The following PCBP3 variants were observed in gnomAD, a reference collection of about 807,000 sequenced individuals.
PCBP3 encodes poly(rC)-binding protein 3.
PCBP3 carries 25 observed loss-of-function variants against 52.7 expected under a neutral mutation model. The observed-to-expected ratio is 0.47, with a 90% CI of 0.35 to 0.66. The LOEUF is 0.66. Ranked by LOEUF, PCBP3 falls within the 30% of genes least tolerant of loss-of-function variation. The pLI, the probability that PCBP3 is intolerant of heterozygous loss-of-function variation, is 0.01. For synonymous variants in PCBP3, 162 were observed against 183.0 expected (o/e 0.89, Z 0.93); for missense variants, 391 against 490.3 (o/e 0.80, Z 1.91).
intron 4 of PCBP3, among the ~76,000 whole-genome samples, chr21:45,809,728 C>T (rs1409138760): frequency 6.6e-6 from 1 of 152,236 alleles, no homozygotes; most frequent in Non-Finnish European, 1.5e-5. Context: ...GTCCTGCTGC[C>T]TCTTCCCTGC....
intron 5 of PCBP3, among the ~76,000 whole-genome samples, chr21:45,868,307 AG>A (rs2094835295): frequency 6.6e-6 from 1 of 151,972 alleles, no homozygotes; most frequent in Non-Finnish European, 1.5e-5. Context: ...TCAGAGCCCC[AG>A]GGTCCTGCCT....
intron 5 of PCBP3, among the ~76,000 whole-genome samples, chr21:45,884,452 A>G (rs1438505016): frequency 6.6e-6 from 1 of 152,244 alleles, no homozygotes; most frequent in African/African-American, 2.4e-5. Context: ...ATATACACAC[A>G]CAAATATATA....
chr21:45,664,831 T>C (rs1341635750), intron 1 of PCBP3, among the ~76,000 whole-genome samples: 1 of 142,542 alleles, frequency 7.0e-6, no homozygotes, highest in East Asian at 2.3e-4. Flanking sequence ...TGTGATCTCA[T>C]TGTTCAATTC....
intron 4 of PCBP3, among the ~76,000 whole-genome samples, chr21:45,771,508 A>G (rs2089861609): frequency 6.6e-6 from 1 of 152,242 alleles, no homozygotes; most frequent in African/African-American, 2.4e-5. Flanking sequence ...CAAACTAAAA[A>G]CGAAAAACAG....
chr21:45,830,671 C>G lies in PCBP3; in HGVS notation c.-125-19290C>G, dbSNP rs960763669. 6.6e-6 allele frequency: 1 copy of G among 152,246 alleles called. No homozygotes were observed. The highest frequency in any genetic ancestry group is 1.5e-5 in the Non-Finnish European group (1 of 68,052). 9.4% of individuals were successfully genotyped at this position (152,246 alleles called of 1,614,324 possible). A position where few individuals can be genotyped will look rare whatever the true frequency, so the allele number is the denominator to read the frequency against. On this transcript the variant is annotated intron_variant, in intron 4 of 17. Coordinates refer to ENST00000681687, the MANE Select transcript of PCBP3 (RefSeq NM_001384156.1). The surrounding 1 kb of genome is among the most constrained non-coding windows in gnomAD (Gnocchi z 4.4). ...TGGGACAGCAGCCGCCCCTTTCCAC[C>G]CCTTCCCCACTGCCTGGGTTGGTGA...
intron 4 of PCBP3, among the ~76,000 whole-genome samples, chr21:45,784,335 G>GGTCTAGCTCTAC (rs1555934152): frequency 9.5e-6 from 1 of 105,780 alleles, no homozygotes; most frequent in Non-Finnish European, 1.9e-5. Flanking sequence ...AATAGTGACA[G>GGTCTAGCTCTAC]CTCTACCTCT....
intron 4 of PCBP3, among the ~76,000 whole-genome samples, chr21:45,833,439 G>T (rs1488177802): frequency 1.3e-5 from 2 of 152,194 alleles, no homozygotes; most frequent in African/African-American, 2.4e-5. Context: ...AAAAAATCCA[G>T]CATGCTACTT....
chr21:45,857,986 C>T (rs759619647), intron 5 of PCBP3, among the ~76,000 whole-genome samples: 3 of 152,168 alleles, frequency 2.0e-5, no homozygotes, highest in Non-Finnish European at 4.4e-5. Flanking sequence ...AGCCAGGCCT[C>T]CCCCATTCCC....
chr21:45,809,828 G>A (rs1455800192), intron 4 of PCBP3, among the ~76,000 whole-genome samples: 3 of 152,230 alleles, frequency 2.0e-5, no homozygotes, highest in South Asian at 2.1e-4. Flanking sequence ...CTGCTCTCTG[G>A]TGTACAAGCC....
chr21:45,920,183 T>C (rs139731725), intron 13 of PCBP3, among the ~76,000 whole-genome samples: 39 of 152,294 alleles, frequency 2.6e-4, no homozygotes, highest in Non-Finnish European at 4.0e-4. Flanking sequence ...AGTTGGATGC[T>C]CAGACCTGCA....
intron 4 of PCBP3, among the ~76,000 whole-genome samples, chr21:45,842,844 G>A (rs778234940): frequency 9.9e-5 from 15 of 152,180 alleles, no homozygotes; most frequent in South Asian, 2.1e-4. Context: ...CCCTCTGACC[G>A]GGCAGGGTGC....
At chr21:45,758,157 G>A (rs1035613435) in intron 4 of PCBP3, among the ~76,000 whole-genome samples, 1 of 152,218 alleles carries the variant, frequency 6.6e-6, no homozygotes, top group East Asian at 1.9e-4. Context: ...CCAAAGTGGC[G>A]TGAGCCACCG....
intron 13 of PCBP3, among the ~76,000 whole-genome samples, chr21:45,921,263 T>C (rs1280225443): frequency 2.6e-5 from 4 of 152,222 alleles, no homozygotes; most frequent in African/African-American, 9.6e-5. Context: ...ATATGTTGTT[T>C]TAATTTATAA....
At chr21:45,906,129 C>T (rs964262164) in intron 9 of PCBP3, among the ~76,000 whole-genome samples, 1 of 152,204 alleles carries the variant, frequency 6.6e-6, no homozygotes, top group Non-Finnish European at 1.5e-5. Flanking sequence ...CATCATTGTC[C>T]TCCCCATTGA....
chr21:45,696,727 G>A (rs941004078), intron 2 of PCBP3, among the ~76,000 whole-genome samples: 25 of 151,892 alleles, frequency 1.6e-4, no homozygotes, highest in Non-Finnish European at 3.2e-4. Context: ...GGAGGCAGAG[G>A]TTGCAGTGAG....
intron 5 of PCBP3, among the ~76,000 whole-genome samples, chr21:45,867,491 C>G (rs1415828261): frequency 6.6e-6 from 1 of 152,258 alleles, no homozygotes; most frequent in African/African-American, 2.4e-5. Context: ...CCGCATTCAC[C>G]GCACGCGGAG....
intron 4 of PCBP3, among the ~76,000 whole-genome samples, chr21:45,765,622 G>T (rs1228484997): frequency 6.6e-6 from 1 of 152,162 alleles, no homozygotes; most frequent in Non-Finnish European, 1.5e-5. Context: ...TTGCCAGCGC[G>T]GCTCTTCCAT....
intron 2 of PCBP3, among the ~76,000 whole-genome samples, chr21:45,689,167 A>T (rs1437978589): frequency 6.6e-6 from 1 of 152,118 alleles, no homozygotes; most frequent in Non-Finnish European, 1.5e-5. Flanking sequence ...TCATAGATAT[A>T]AAAGTCCTTA....
At position 45,904,468 on chromosome 21, in the gene PCBP3, G is replaced by C. The variant is rs2096148919; in HGVS notation, c.339+3355G>C. ...GAGGGATTTGGAGTTTTCATCTTTT[G>C]GTCCTTCGGTTTTTCCAGAAGACTG... On this transcript the variant is annotated intron_variant, in intron 9 of 17. Coordinates refer to ENST00000681687, the MANE Select transcript of PCBP3 (RefSeq NM_001384156.1). The surrounding 1 kb of genome is among the most constrained non-coding windows in gnomAD (Gnocchi z 4.8). Among the ~76,000 whole-genome samples the C allele has an allele frequency of 6.6e-6, 1 of 152,034 alleles. No individual in the cohort carries two copies. The highest frequency in any genetic ancestry group is 1.5e-5 in the Non-Finnish European group (1 of 68,022).
Sources: gnomAD v4.1 joint callset for allele counts (sites outside exome capture counted in the v4.1 genomes callset) on GRCh38, gnomAD v4.1.1 for gene constraint, Gnocchi (gnomAD v3.1) non-coding constraint, MANE v1.5 for transcripts, NCBI Gene and HGNC (gene_info 2026-07-23, HGNC 2026-07-21) for gene names.